The following GRID2 variants were observed in gnomAD, a reference collection of about 807,000 sequenced individuals.
GRID2 encodes the protein glutamate receptor ionotropic, delta-2.
In GRID2, 33 loss-of-function variants were observed where a neutral mutation model predicts 114.8. That is an observed-to-expected ratio of 0.29 (90% CI 0.22 to 0.38). The LOEUF (loss-of-function observed/expected upper bound fraction) is 0.38. Among genes scored for constraint, GRID2 ranks in the 10% least tolerant of loss-of-function variants. The probability of loss-of-function intolerance (pLI) is 1.00; values close to 1 mark genes in which losing one functional copy is unlikely to be tolerated. For synonymous variants in GRID2, 505 were observed against 449.9 expected, an observed-to-expected ratio of 1.12 and a Z score of -1.55; for missense variants, 1,184 against 1,257.7, an observed-to-expected ratio of 0.94 and a Z score of 0.89.
chr4:92,507,667 C>T (rs1424194160), intron 1 of GRID2, among the ~76,000 whole-genome samples: 1 of 151,854 alleles, frequency 6.6e-6, no homozygotes, highest in Non-Finnish European at 1.5e-5. Context: ...TACTTAATAT[C>T]TTTTTTTCAG....
At chr4:92,651,862 G>A (rs1731950517) in intron 2 of GRID2, among the ~76,000 whole-genome samples, 1 of 152,122 alleles carries the variant, frequency 6.6e-6, no homozygotes, top group African/African-American at 2.4e-5. Flanking sequence ...TTCAGGTCAT[G>A]TCTGCATATT....
chr4:93,397,528 A>G (rs1341432091), intron 9 of GRID2, among the ~76,000 whole-genome samples: 1 of 152,026 alleles, frequency 6.6e-6, no homozygotes, highest in Non-Finnish European at 1.5e-5. Context: ...TTAAGCAAAT[A>G]GTTATTTCGC....
intron 1 of GRID2, among the ~76,000 whole-genome samples, chr4:92,406,528 G>A (rs1731034950): frequency 6.6e-6 from 1 of 151,958 alleles, no homozygotes; most frequent in South Asian, 2.1e-4. Context: ...AGAGTTTTGG[G>A]TATTTTTCCT....
chr4:92,791,659 A>G (rs964331748), intron 2 of GRID2, among the ~76,000 whole-genome samples: 13 of 151,932 alleles, frequency 8.6e-5, no homozygotes, highest in African/African-American at 2.9e-4. Flanking sequence ...AACTAGTGCT[A>G]TGGTGTCTGT....
At chr4:93,650,224 C>T (rs2149720386) in intron 14 of GRID2, among the ~76,000 whole-genome samples, 1 of 152,172 alleles carries the variant, frequency 6.6e-6, no homozygotes, top group African/African-American at 2.4e-5. Context: ...AGGATATGTT[C>T]CAAAATTCAC....
intron 4 of GRID2, among the ~76,000 whole-genome samples, chr4:93,126,727 A>G (rs1216501032): frequency 2.7e-5 from 4 of 148,368 alleles, no homozygotes; most frequent in South Asian, 2.1e-4. Flanking sequence ...CCTCCCGAGT[A>G]GCTGGGACTA....
At chr4:93,385,005 A>G (rs530149840) in intron 8 of GRID2, among the ~76,000 whole-genome samples, 59 of 152,288 alleles carry the variant, frequency 3.9e-4, no homozygotes, top group Admixed American at 8.5e-4. Flanking sequence ...GGGAGTTTCA[A>G]TTGTTTAAAT....
chr4:92,369,560 G>C (rs1345354241), intron 1 of GRID2, among the ~76,000 whole-genome samples: 1 of 152,094 alleles, frequency 6.6e-6, no homozygotes, highest in South Asian at 2.1e-4. Context: ...TTCAGCTACA[G>C]GCCATGTTCA....
At chr4:93,069,744 T>A (rs1027773884) in intron 2 of GRID2, among the ~76,000 whole-genome samples, 1 of 152,238 alleles carries the variant, frequency 6.6e-6, no homozygotes, top group South Asian at 2.1e-4. Flanking sequence ...AATCACTGCC[T>A]TTAATGCCTG....
At chr4:92,991,157 A>T (rs1256866518) in intron 2 of GRID2, among the ~76,000 whole-genome samples, 2 of 152,208 alleles carry the variant, frequency 1.3e-5, no homozygotes, top group African/African-American at 4.8e-5. Context: ...AACCCAAGTC[A>T]CACAGAGAAT....
intron 1 of GRID2, among the ~76,000 whole-genome samples, chr4:92,410,835 ATTTTTTTTTT>A (rs5860274): frequency 8.5e-6 from 1 of 117,866 alleles, no homozygotes; most frequent in South Asian, 2.9e-4. Context: ...CTGCAAAAGC[ATTTTTTTTTT>A]TTTTTTTTTT....
chr4:93,565,028 G>A (rs1418038817), intron 13 of GRID2, among the ~76,000 whole-genome samples: 3 of 151,702 alleles, frequency 2.0e-5, no homozygotes, highest in African/African-American at 7.3e-5. Flanking sequence ...AAATAAAGAG[G>A]AAATCTTAAT....
chr4:93,288,065 T>C (rs1753364556), intron 8 of GRID2, among the ~76,000 whole-genome samples: 1 of 152,198 alleles, frequency 6.6e-6, no homozygotes, highest in Non-Finnish European at 1.5e-5. Context: ...TAAAATTTAT[T>C]TTTAAGATTT....
At chr4:93,656,513 T>A (rs35624979) in intron 14 of GRID2, among the ~76,000 whole-genome samples, 16,844 of 151,888 alleles carry the variant, frequency 0.11, 1,007 homozygotes, top group Middle Eastern at 0.14. Context: ...AGCCTATTCA[T>A]CAACATGTAA....
chr4:93,778,935 A>G (rs1734424965), downstream of GRID2, among the ~76,000 whole-genome samples: 1 of 152,184 alleles, frequency 6.6e-6, no homozygotes, highest in African/African-American at 2.4e-5. Context: ...ATATATACAC[A>G]TAATTGGGAC....
intron 2 of GRID2, among the ~76,000 whole-genome samples, chr4:92,932,705 A>G (rs1234080828): frequency 6.6e-6 from 1 of 151,326 alleles, no homozygotes; most frequent in African/African-American, 2.4e-5. Context: ...TCTTATATTC[A>G]TACAATGAAA....
intron 8 of GRID2, among the ~76,000 whole-genome samples, chr4:93,358,572 A>G (rs530349063): frequency 1.8e-4 from 27 of 152,164 alleles, no homozygotes; most frequent in African/African-American, 6.0e-4. Flanking sequence ...TTATCTGACC[A>G]TAATGCAATA....
chr4:93,595,270 G>A (rs1264124000), intron 13 of GRID2, among the ~76,000 whole-genome samples: 2 of 152,106 alleles, frequency 1.3e-5, no homozygotes, highest in Non-Finnish European at 2.9e-5. Flanking sequence ...ACACCTTATC[G>A]TGGGTACATT....
In GRID2 at chr4:93,772,864, A is replaced by C; in HGVS notation, c.*366A>C. Reference sequence around the variant, plus strand: ...TTTACATAAAGGCCTCTTCTGTAACATTTCTCTATTTTTTGAAATACAATT... The same window carrying C: ...TTTACATAAAGGCCTCTTCTGTAACCTTTCTCTATTTTTTGAAATACAATT... On this transcript the variant is annotated 3_prime_UTR_variant, in exon 16 of 16. Transcript: ENST00000282020. 5.5e-6 allele frequency: 1 copy of C among 181,134 alleles called. No homozygotes were observed. The highest frequency in any genetic ancestry group is 1.1e-5 in the Non-Finnish European group (1 of 87,720). The allele number at this position is 181,134 out of a possible 1,614,324, so 11.2% of individuals were successfully genotyped here.
Sources: gnomAD v4.1 joint callset for allele counts (sites outside exome capture counted in the v4.1 genomes callset) on GRCh38, gnomAD v4.1.1 for gene constraint, MANE v1.5 for transcripts, NCBI Gene and HGNC (gene_info 2026-07-23, HGNC 2026-07-21) for gene names.